Variants in MYO1D observed in about 807,000 individuals in gnomAD.
MYO1D encodes the protein unconventional myosin-Id.
Under a neutral mutation model 122.0 loss-of-function variants are expected in MYO1D, and 83 were observed. The observed-to-expected ratio is 0.68, with a 90% confidence interval of 0.57 to 0.82. The LOEUF (loss-of-function observed/expected upper bound fraction) is 0.82. Among genes scored for constraint, MYO1D ranks in the 40% least tolerant of loss-of-function variants. MYO1D has a pLI of 0.00. For synonymous variants in MYO1D, 464 were observed against 446.9 expected, an observed-to-expected ratio of 1.04 and a Z score of -0.48; for missense variants, 1,157 against 1,269.5, an observed-to-expected ratio of 0.91 and a Z score of 1.35.
intron 21 of MYO1D, among the ~76,000 whole-genome samples, chr17:32,539,007 C>T (rs1910749436): frequency 6.6e-6 from 1 of 151,992 alleles, no homozygotes; most frequent in Non-Finnish European, 1.5e-5. Context: ...GCATGCTGGG[C>T]TTAATACCTA....
intron 21 of MYO1D, among the ~76,000 whole-genome samples, chr17:32,583,139 C>T (rs1334730103): frequency 6.6e-6 from 1 of 152,130 alleles, no homozygotes; most frequent in African/African-American, 2.4e-5. Flanking sequence ...TTTTGGAAAG[C>T]TATTTTTGCT....
At chr17:32,629,748 A>AT (rs2087979316) in intron 20 of MYO1D, among the ~76,000 whole-genome samples, 1 of 151,198 alleles carries the variant, frequency 6.6e-6, no homozygotes, top group Admixed American at 6.6e-5. Flanking sequence ...AAAAAAAAAA[A>AT]GGTATCAATC....
At chr17:32,799,427 A>C (rs1172714402) in intron 1 of MYO1D, among the ~76,000 whole-genome samples, 2 of 152,182 alleles carry the variant, frequency 1.3e-5, no homozygotes, top group African/African-American at 2.4e-5. Context: ...GTTCTAAAAA[A>C]ATAGCTGTCC....
chr17:32,711,738 C>T (rs2089379359), intron 16 of MYO1D, among the ~76,000 whole-genome samples: 1 of 152,072 alleles, frequency 6.6e-6, no homozygotes, highest in Non-Finnish European at 1.5e-5. Flanking sequence ...GACATCTCTC[C>T]AACTTTAAAA....
chr17:32,557,627 C>T (rs116768389), intron 21 of MYO1D, among the ~76,000 whole-genome samples: 1,578 of 151,994 alleles, frequency 0.01, 28 homozygotes, highest in African/African-American at 0.036. Flanking sequence ...ACCCTCACCC[C>T]CATCCAGTAG....
rs776678515 is a variant in MYO1D at position 32,767,785 on chromosome 17, A to G, written c.715-33T>C. On this transcript the variant is annotated intron_variant, in intron 6 of 21. Coordinates refer to ENST00000318217, the MANE Select transcript of MYO1D (RefSeq NM_015194.3). ...TGAAAATGAAAAACTGAAGTTACAG[A>G]TATTTCCTATGAGCATTAAAATTCA... is the stretch of plus-strand genomic sequence containing the variant. 25 of 1,433,134 alleles carry G rather than the reference A, an allele frequency of 1.7e-5. No homozygotes were observed. The Admixed American group carries it at 3.9e-4, about 22-fold the overall frequency. The allele number at this position is 1,433,134 out of a possible 1,614,324, so 88.8% of individuals were successfully genotyped here. A position where few individuals can be genotyped will look rare whatever the true frequency, so the allele number is the denominator to read the frequency against.
chr17:32,607,881 A>C (rs1186578946), intron 20 of MYO1D, among the ~76,000 whole-genome samples: 1 of 152,202 alleles, frequency 6.6e-6, no homozygotes, highest in Admixed American at 6.5e-5. Context: ...AAGACAGCTC[A>C]ATGAAGAAAG....
At chr17:32,648,801 C>A (rs1264212342) in intron 19 of MYO1D, among the ~76,000 whole-genome samples, 9 of 152,126 alleles carry the variant, frequency 5.9e-5, no homozygotes. Flanking sequence ...TACAGTTAGG[C>A]CTAAATTTAT....
intron 20 of MYO1D, among the ~76,000 whole-genome samples, chr17:32,624,293 C>G (rs1205778986): frequency 6.8e-6 from 1 of 146,086 alleles, no homozygotes; most frequent in Non-Finnish European, 1.5e-5. Context: ...CTCAAGCGGT[C>G]CTCTCACTTT....
chr17:32,527,334 AAGG>A (rs1285122270), intron 21 of MYO1D, among the ~76,000 whole-genome samples: 3 of 152,212 alleles, frequency 2.0e-5, no homozygotes, highest in Non-Finnish European at 4.4e-5. Context: ...TAACCACAGT[AAGG>A]AGGAGTCCAT....
intron 16 of MYO1D, among the ~76,000 whole-genome samples, chr17:32,704,016 T>G (rs976749861): frequency 3.9e-5 from 6 of 152,226 alleles, no homozygotes; most frequent in Non-Finnish European, 7.3e-5. Flanking sequence ...TAAATCACTG[T>G]ATACTTCAAC....
At chr17:32,503,913 C>G (rs1909408019) in intron 21 of MYO1D, among the ~76,000 whole-genome samples, 1 of 152,216 alleles carries the variant, frequency 6.6e-6, no homozygotes, top group Admixed American at 6.5e-5. Context: ...GGAAATGCCA[C>G]TTCTGTTTAT....
intron 19 of MYO1D, among the ~76,000 whole-genome samples, chr17:32,643,851 T>C (rs1413424171): frequency 1.3e-5 from 2 of 152,210 alleles, no homozygotes; most frequent in Non-Finnish European, 2.9e-5. Context: ...ATCAATTTTG[T>C]TGATCTTTTC....
At chr17:32,833,513 C>T (rs1363261075) in intron 1 of MYO1D, among the ~76,000 whole-genome samples, 1 of 152,150 alleles carries the variant, frequency 6.6e-6, no homozygotes, top group Non-Finnish European at 1.5e-5. Flanking sequence ...GGAGTAATTC[C>T]GTTAACATGT....
chr17:32,807,266 A>G (rs181965339), intron 1 of MYO1D, among the ~76,000 whole-genome samples: 1 of 152,268 alleles, frequency 6.6e-6, no homozygotes, highest in East Asian at 1.9e-4. Flanking sequence ...CAGTAAAAAT[A>G]TTTAAACAGG....
At chr17:32,721,610 T>C (rs898984960) in intron 14 of MYO1D, among the ~76,000 whole-genome samples, 5 of 152,224 alleles carry the variant, frequency 3.3e-5, no homozygotes, top group African/African-American at 1.2e-4. Context: ...TGTTAAGGAA[T>C]GATAGGGACG....
At chr17:32,739,076 T>C (rs955578586) in intron 13 of MYO1D, among the ~76,000 whole-genome samples, 3 of 152,232 alleles carry the variant, frequency 2.0e-5, no homozygotes, top group African/African-American at 4.8e-5. Context: ...AATTTTGCTC[T>C]GTGGAGATAT....
At chr17:32,680,260 C>T (rs1313092652) in intron 16 of MYO1D, among the ~76,000 whole-genome samples, 47 of 7,786 alleles carry the variant, frequency 6.0e-3, no homozygotes, top group Non-Finnish European at 8.6e-3. Flanking sequence ...ATTTCCTTCT[C>T]CTGCCTGATT....
At chr17:32,777,917 G>A (rs1409627847) in intron 3 of MYO1D, among the ~76,000 whole-genome samples, 2 of 152,150 alleles carry the variant, frequency 1.3e-5, no homozygotes, top group Non-Finnish European at 2.9e-5. Context: ...CTGGGCCACA[G>A]AGCGAGACTC....
Sources: allele counts gnomAD v4.1 joint callset (sites outside exome capture counted in the v4.1 genomes callset), GRCh38; gene constraint gnomAD v4.1.1; transcripts MANE v1.5; gene names NCBI Gene and HGNC (gene_info 2026-07-23, HGNC 2026-07-21).